Variants in CFAP47 observed in about 807,000 individuals in gnomAD.
CFAP47 encodes cilia- and flagella-associated protein 47.
CFAP47 carries 29 observed loss-of-function variants against 148.1 expected under a neutral mutation model. The ratio of observed to expected loss-of-function variants is 0.20; its 90% CI spans 0.15 to 0.27. The LOEUF is 0.27. Ranked by LOEUF, CFAP47 falls within the 10% of genes least tolerant of loss-of-function variation. The pLI is 1.00. For synonymous variants in CFAP47, 664 were observed against 577.3 expected (o/e 1.15, Z -2.15); for missense variants, 1,872 against 1,697.5 (o/e 1.10, Z -1.81).
chrX:35,927,287 A>G (rs1287340900), intron 2 of CFAP47, among the ~76,000 whole-genome samples: 2 of 111,983 alleles, frequency 1.8e-5, no homozygotes, highest in East Asian at 5.6e-4. Context: ...GGAATCAAAC[A>G]GTAGACACAT....
chrX:35,919,893 G>T lies in CFAP47; in HGVS notation c.94G>T (p.Asp32Tyr), dbSNP rs781751927. Residue 32 changes from aspartate to tyrosine, a missense_variant, in exon 1 of 64, where the codon GAT becomes TAT. Coordinates refer to ENST00000378653, the MANE Select transcript of CFAP47 (RefSeq NM_001304548.2). ...GGGTTCCCTCGTCCCCCGGGATATG[G>T]ATAGCTCGGGTAGAGACATGCAGCT... is the stretch of plus-strand genomic sequence containing the variant. ...QRGSLVPRDM[D>Y]SSGRDMQLRV... 8.3e-7 allele frequency: 1 copy of T among 1,211,113 alleles called. No individual in the cohort carries two copies. Among genetic ancestry groups the T allele is most frequent in the South Asian group, 1.8e-5 (1 of 56,871 alleles).
intron 50 of CFAP47, among the ~76,000 whole-genome samples, chrX:36,281,840 A>G (rs1405937482): frequency 9.0e-6 from 1 of 111,591 alleles, no homozygotes; most frequent in Non-Finnish European, 1.9e-5. Flanking sequence ...TTAGACTACT[A>G]CAACAGCAAA....
At chrX:36,009,966 A>G (rs1937020708) in intron 21 of CFAP47, among the ~76,000 whole-genome samples, 1 of 111,415 alleles carries the variant, frequency 9.0e-6, no homozygotes, top group Non-Finnish European at 1.9e-5. Flanking sequence ...CATTTAAAAT[A>G]TTCACATTCT....
chrX:36,313,719 T>C (rs1262817646), intron 56 of CFAP47, among the ~76,000 whole-genome samples: 1 of 111,620 alleles, frequency 9.0e-6, no homozygotes, highest in Non-Finnish European at 1.9e-5. Context: ...GGTTCCTTGC[T>C]GGTGTGAGGA....
At chrX:35,936,889 G>T (rs1461395172) in intron 2 of CFAP47, among the ~76,000 whole-genome samples, 1 of 108,736 alleles carries the variant, frequency 9.2e-6, no homozygotes, top group African/African-American at 3.4e-5. Flanking sequence ...AATGTGGTGA[G>T]AACGCTATAC....
intron 45 of CFAP47, among the ~76,000 whole-genome samples, chrX:36,217,429 C>G (rs925039533): frequency 1.8e-5 from 2 of 110,807 alleles, no homozygotes; most frequent in East Asian, 5.7e-4. Context: ...TTTATACCAG[C>G]CTTACCCATT....
intron 58 of CFAP47, among the ~76,000 whole-genome samples, chrX:36,348,858 C>T (rs1438244690): frequency 1.8e-5 from 2 of 111,574 alleles, no homozygotes; most frequent in Non-Finnish European, 3.8e-5. Context: ...GTTCTCTGTT[C>T]TTATAGTTTA....
intron 46 of CFAP47, among the ~76,000 whole-genome samples, chrX:36,230,326 A>G (rs1402024668): frequency 6.5e-5 from 7 of 107,491 alleles, no homozygotes; most frequent in Non-Finnish European, 9.6e-5. Flanking sequence ...ATGGTATCTC[A>G]TTGTGGTTTT....
At position 36,182,080 on chromosome X, in the gene CFAP47, G is replaced by A. The variant is rs188049743; in HGVS notation, c.6104+2658G>A. Among the ~76,000 whole-genome samples, 58 of 112,451 alleles carry A rather than the reference G, an allele frequency of 5.2e-4. 1 individual carries two copies. Among genetic ancestry groups the A allele is most frequent in the Admixed American group, 2.3e-3 (24 of 10,638 alleles). ...CTCCAGACTCTAGATCATGTAGCAC[G>A]AAAATCTGTATTCAGTTTCTGAGGG... On this transcript the variant is annotated intron_variant, in intron 40 of 63. Transcript: ENST00000378653.
chrX:36,150,184 T>C (rs926043731), intron 37 of CFAP47, among the ~76,000 whole-genome samples: 1 of 111,287 alleles, frequency 9.0e-6, no homozygotes, highest in Non-Finnish European at 1.9e-5. Flanking sequence ...AATTGTGTTC[T>C]CATAGTTATT....
At chrX:36,043,959 G>A (rs959694427) in intron 25 of CFAP47, among the ~76,000 whole-genome samples, 1 of 113,022 alleles carries the variant, frequency 8.8e-6, no homozygotes, top group African/African-American at 3.2e-5. Flanking sequence ...TCTAGGCAGA[G>A]GTTCCCAAAG....
intron 51 of CFAP47, among the ~76,000 whole-genome samples, chrX:36,297,476 G>A (rs1941253959): frequency 1.8e-5 from 2 of 112,143 alleles, no homozygotes; most frequent in Admixed American, 1.9e-4. Flanking sequence ...AAACATTTAG[G>A]CAACTGGAAT....
chrX:35,983,985 TAGGG>T (rs950039893), intron 15 of CFAP47, among the ~76,000 whole-genome samples: 10 of 111,963 alleles, frequency 8.9e-5, no homozygotes, highest in Non-Finnish European at 1.3e-4. Context: ...TTGAATGAGT[TAGGG>T]AGGAGTCACT....
intron 46 of CFAP47, among the ~76,000 whole-genome samples, chrX:36,229,626 A>C (rs989700487): frequency 9.1e-6 from 1 of 110,305 alleles, no homozygotes; most frequent in Admixed American, 9.7e-5. Context: ...TATTATTATT[A>C]TACTTTAGGT....
Position 36,276,914 on chromosome X carries a change from A to AT in CFAP47, c.7445-3572dup, listed in dbSNP as rs1941024403. Among the ~76,000 whole-genome samples, 7 of 111,458 alleles carry AT rather than the reference A, an allele frequency of 6.3e-5. 1 individual carries two copies. The South Asian group carries it at 2.6e-3, about 42-fold the overall frequency. ...CTACCCACGGATGATAGCAGGCAGC[A>AT]TAGTCTAATGTCATGCTTTTCAAAG... On this transcript the variant is annotated intron_variant, in intron 49 of 63. Transcript: ENST00000378653.
chrX:36,161,685 T>A (rs1939432523), intron 39 of CFAP47, among the ~76,000 whole-genome samples: 1 of 112,070 alleles, frequency 8.9e-6, no homozygotes, highest in South Asian at 3.7e-4. Context: ...AGCTATCAGA[T>A]TCTTATGATA....
chrX:36,032,446 G>A (rs892793142), intron 23 of CFAP47, among the ~76,000 whole-genome samples: 1 of 110,161 alleles, frequency 9.1e-6, no homozygotes, highest in Non-Finnish European at 1.9e-5. Context: ...TAAGGATTTT[G>A]GAATAAAGAA....
intron 1 of CFAP47, among the ~76,000 whole-genome samples, chrX:35,923,884 C>T (rs1291622926): frequency 1.4e-5 from 1 of 72,266 alleles, no homozygotes. Context: ...TATATATGTA[C>T]ATATATATGT....
At chrX:35,985,494 G>C (rs191814762) in intron 15 of CFAP47, among the ~76,000 whole-genome samples, 129 of 111,047 alleles carry the variant, frequency 1.2e-3, no homozygotes, top group African/African-American at 3.9e-3. Flanking sequence ...AGGCTGTGAT[G>C]GGGGGAGAGT....
Sources: allele counts gnomAD v4.1 joint callset (sites outside exome capture counted in the v4.1 genomes callset), GRCh38; gene constraint gnomAD v4.1.1; transcripts MANE v1.5; gene names NCBI Gene and HGNC (gene_info 2026-07-23, HGNC 2026-07-21).